The following LHFPL3 variants were observed in gnomAD, a reference collection of about 807,000 sequenced individuals.
LHFPL3 encodes the protein LHFPL tetraspan subfamily member 3.
LHFPL3 carries 5 observed loss-of-function variants against 19.3 expected under a neutral mutation model. The observed-to-expected ratio is 0.26, with a 90% CI of 0.14 to 0.54. The LOEUF (loss-of-function observed/expected upper bound fraction) is 0.54, where lower values mean the gene tolerates loss of function less well. Among genes scored for constraint, LHFPL3 ranks in the 20% least tolerant of loss-of-function variants. The pLI, the probability that LHFPL3 is intolerant of heterozygous loss-of-function variation, is 0.94. For missense variants in LHFPL3, 249 were observed against 307.4 expected (o/e 0.81, Z 1.42); for synonymous variants, 133 against 126.2 (o/e 1.05, Z -0.36).
At chr7:104,387,404 CA>C (rs1790969296) in intron 1 of LHFPL3, among the ~76,000 whole-genome samples, 1 of 151,752 alleles carries the variant, frequency 6.6e-6, no homozygotes, top group South Asian at 2.1e-4. Flanking sequence ...AAGAAAAGTA[CA>C]ATAACTGAAA....
intron 1 of LHFPL3, among the ~76,000 whole-genome samples, chr7:104,405,176 G>A (rs1185706217): frequency 2.0e-5 from 3 of 152,018 alleles, no homozygotes; most frequent in African/African-American, 4.8e-5. Flanking sequence ...TGTCAGTCTG[G>A]TTTTCTAGTG....
chr7:104,726,240 G>A (rs1793590009), intron 1 of LHFPL3, among the ~76,000 whole-genome samples: 1 of 151,674 alleles, frequency 6.6e-6, no homozygotes, highest in South Asian at 2.1e-4. Context: ...TCCTTTAACT[G>A]TTCATTCATT....
chr7:104,438,113 G>T (rs556402707), intron 1 of LHFPL3, among the ~76,000 whole-genome samples: 1 of 152,184 alleles, frequency 6.6e-6, no homozygotes, highest in Admixed American at 6.5e-5. Context: ...AACAAAAGAT[G>T]CAGGCAGCAT....
At chr7:104,476,801 A>G (rs1013328738) in intron 1 of LHFPL3, among the ~76,000 whole-genome samples, 13 of 152,058 alleles carry the variant, frequency 8.5e-5, no homozygotes, top group African/African-American at 3.1e-4. Context: ...AAAAAGAAAT[A>G]TTCTGGAGAA....
intron 1 of LHFPL3, among the ~76,000 whole-genome samples, chr7:104,621,446 GACTCAT>G (rs1430826891): frequency 5.9e-5 from 9 of 152,274 alleles, no homozygotes; most frequent in African/African-American, 2.2e-4. Context: ...CATTCCACCA[GACTCAT>G]ACTGAAAGGT....
intron 1 of LHFPL3, among the ~76,000 whole-genome samples, chr7:104,601,889 T>A (rs1330361088): frequency 6.6e-6 from 1 of 152,138 alleles, no homozygotes; most frequent in Admixed American, 6.5e-5. Flanking sequence ...GCTCACTCCA[T>A]CTTCAGCAAG....
Position 104,492,041 on chromosome 7 carries a change from A to T in LHFPL3, c.445+162817A>T, listed in dbSNP as rs13234934. On this transcript the variant is annotated intron_variant, in intron 1 of 2. Coordinates refer to ENST00000424859, the MANE Select transcript of LHFPL3 (RefSeq NM_199000.3). ...TACAAGTGTTGTAAGGTTTGTGTGG[A>T]GATCATTAATTTGGGTTCGAATGTT... Among the ~76,000 whole-genome samples the T allele has an allele frequency of 2.0e-5, 3 of 152,128 alleles. No individual in the cohort carries two copies. The East Asian group carries it at 5.8e-4, about 29-fold the overall frequency.
chr7:104,711,750 T>C (rs923334893), intron 1 of LHFPL3, among the ~76,000 whole-genome samples: 23 of 152,098 alleles, frequency 1.5e-4, no homozygotes, highest in African/African-American at 5.3e-4. Context: ...GACAGAACCA[T>C]GTCACAAGCT....
intron 2 of LHFPL3, among the ~76,000 whole-genome samples, chr7:104,824,516 ATATT>A (rs1190638758): frequency 1.6e-5 from 1 of 61,130 alleles, no homozygotes; most frequent in African/African-American, 6.3e-5. Context: ...TATTTTATAT[ATATT>A]ATTTTATATA....
At chr7:104,438,636 A>C (rs1232197740) in intron 1 of LHFPL3, among the ~76,000 whole-genome samples, 2 of 152,214 alleles carry the variant, frequency 1.3e-5, no homozygotes, top group African/African-American at 2.4e-5. Flanking sequence ...TTATGCTTAC[A>C]TTAGAAAGGA....
At chr7:104,507,523 A>G (rs58535829) in intron 1 of LHFPL3, among the ~76,000 whole-genome samples, 7,262 of 116,986 alleles carry the variant, frequency 0.062, 807 homozygotes, top group African/African-American at 0.22. Flanking sequence ...AAACCTAGGC[A>G]TTACCATTCA....
intron 2 of LHFPL3, among the ~76,000 whole-genome samples, chr7:104,767,374 G>A (rs1794473035): frequency 1.3e-5 from 2 of 152,188 alleles, no homozygotes; most frequent in Non-Finnish European, 2.9e-5. Context: ...TCTTGGAGAG[G>A]ACCTAGAGAG....
At chr7:104,495,162 C>T (rs1312219995) in intron 1 of LHFPL3, among the ~76,000 whole-genome samples, 2 of 152,182 alleles carry the variant, frequency 1.3e-5, no homozygotes, top group Non-Finnish European at 2.9e-5. Flanking sequence ...CTTCCCCTTC[C>T]AACCCCCACT....
chr7:104,741,549 T>C (rs192789481), intron 2 of LHFPL3, among the ~76,000 whole-genome samples: 2 of 150,288 alleles, frequency 1.3e-5, no homozygotes, highest in African/African-American at 2.5e-5. Context: ...TTTTTTTTTT[T>C]CTTAGAGACA....
intron 2 of LHFPL3, among the ~76,000 whole-genome samples, chr7:104,790,662 T>G (rs1189439127): frequency 1.3e-5 from 2 of 152,218 alleles, no homozygotes; most frequent in Non-Finnish European, 2.9e-5. Context: ...GCCCATCGTC[T>G]AGAATTCACC....
chr7:104,412,416 G>C (rs1346841075), intron 1 of LHFPL3, among the ~76,000 whole-genome samples: 1 of 152,100 alleles, frequency 6.6e-6, no homozygotes, highest in Non-Finnish European at 1.5e-5. Context: ...GAGTGGCACA[G>C]AGAAGGAGCA....
intron 2 of LHFPL3, among the ~76,000 whole-genome samples, chr7:104,795,205 G>A (rs1337696377): frequency 1.3e-5 from 2 of 152,116 alleles, no homozygotes; most frequent in East Asian, 1.9e-4. Flanking sequence ...AAACATAGAA[G>A]TGTATTATTT....
intron 1 of LHFPL3, among the ~76,000 whole-genome samples, chr7:104,437,479 C>G (rs753017272): frequency 1.2e-4 from 19 of 152,124 alleles, no homozygotes; most frequent in Non-Finnish European, 2.9e-5. Context: ...AGCCCAGACC[C>G]CTTCCCCACA....
intron 1 of LHFPL3, among the ~76,000 whole-genome samples, chr7:104,394,285 C>A (rs940607958): frequency 6.6e-6 from 1 of 152,186 alleles, no homozygotes; most frequent in Non-Finnish European, 1.5e-5. Flanking sequence ...TTCTAACAAG[C>A]TCCCAGGTTG....
Sources: allele counts gnomAD v4.1 joint callset (sites outside exome capture counted in the v4.1 genomes callset), GRCh38; gene constraint gnomAD v4.1.1; transcripts MANE v1.5; gene names NCBI Gene and HGNC (gene_info 2026-07-23, HGNC 2026-07-21).